Variants in GTF3C2 observed in about 807,000 individuals in gnomAD.
GTF3C2 encodes general transcription factor 3C polypeptide 2.
A neutral mutation model predicts 117.4 loss-of-function variants in GTF3C2; 17 were observed. The observed-to-expected ratio is 0.14, with a 90% confidence interval of 0.10 to 0.22. GTF3C2 has a LOEUF of 0.22. Ranked by LOEUF, GTF3C2 falls within the 10% of genes least tolerant of loss-of-function variation. The pLI is 1.00. For missense variants in GTF3C2, 888 were observed against 1,143.6 expected (o/e 0.78, Z 3.22); for synonymous variants, 437 against 427.0 (o/e 1.02, Z -0.29).
intron 9 of GTF3C2, 71 bp downstream of exon 9, chr2:27,335,846 C>T (rs934984326): frequency 1.7e-6 from 2 of 1,179,098 alleles, no homozygotes; most frequent in Non-Finnish European, 2.5e-6. Flanking sequence ...TCCTTCAACT[C>T]TAAGAATTCC....
At chr2:27,350,587 G>A (rs1681095986) in intron 1 of GTF3C2, 2 of 790,162 alleles carry the variant, frequency 2.5e-6, no homozygotes, top group Non-Finnish European at 3.1e-6. Flanking sequence ...ATCGCTTGAG[G>A]CCAGGAGTTC....
chr2:27,331,996 T>C (rs1361388734), intron 12 of GTF3C2, among the ~76,000 whole-genome samples: 1 of 152,154 alleles, frequency 6.6e-6, no homozygotes, highest in African/African-American at 2.4e-5. Flanking sequence ...TTGTAACTTA[T>C]TTATAGTCTT....
At chr2:27,333,523 T>A in intron 12 of GTF3C2, 132 bp downstream of exon 12, 1 of 623,304 alleles carries the variant, frequency 1.6e-6, no homozygotes, top group Non-Finnish European at 2.8e-6. Flanking sequence ...TTCTATTTTT[T>A]TTTTTTTACA....
intron 10 of GTF3C2, 35 bp downstream of exon 10, chr2:27,335,563 T>A: frequency 8.4e-7 from 1 of 1,197,408 alleles, no homozygotes; most frequent in Non-Finnish European, 1.2e-6. Flanking sequence ...TGACCACCAC[T>A]ACAGCAGCCC....
chr2:27,340,880 C>G (rs1680704515), intron 4 of GTF3C2: 1 of 152,034 alleles, frequency 6.6e-6, no homozygotes, highest in African/African-American at 2.4e-5. Flanking sequence ...CCCACCTTGG[C>G]CTCCCAAAGT....
chr2:27,348,894 T>C (rs1426864608), intron 1 of GTF3C2, among the ~76,000 whole-genome samples: 2 of 152,192 alleles, frequency 1.3e-5, no homozygotes, highest in African/African-American at 4.8e-5. Flanking sequence ...TGGAGTGCAG[T>C]GGCCTGATCT....
intron 8 of GTF3C2, 37 bp downstream of exon 8, chr2:27,336,161 A>C: frequency 6.5e-7 from 1 of 1,531,130 alleles, no homozygotes; most frequent in Non-Finnish European, 9.0e-7. Context: ...TGCTGTCCTC[A>C]ACCACCCTCC....
At chr2:27,338,597 C>A (rs1435069184) in intron 4 of GTF3C2, among the ~76,000 whole-genome samples, 1 of 152,186 alleles carries the variant, frequency 6.6e-6, no homozygotes, top group Non-Finnish European at 1.5e-5. Flanking sequence ...GTGGCGCAAT[C>A]TTGGCTCACT....
chr2:27,340,481 G>A (rs985021728), intron 4 of GTF3C2: 9 of 152,084 alleles, frequency 5.9e-5, no homozygotes, highest in Admixed American at 2.0e-4. Flanking sequence ...TGATCCACCT[G>A]CCTTGGCTTC....
rs543775826 is a variant in GTF3C2, at chr2:27,333,434, C to A, written c.1732+221G>T. ...CCTCTCAATAGGATGGGATTATAGG[C>A]GTGAGCTACCGCGCCTGGCCCAGCA... On this transcript the variant is annotated intron_variant, in intron 12 of 18. Coordinates refer to ENST00000264720, the Ensembl canonical transcript of GTF3C2. 2.6e-5 allele frequency among the ~76,000 whole-genome samples: 4 copies of A among 152,004 alleles called. No individual in the cohort carries two copies. The East Asian group carries it at 5.8e-4, about 22-fold the overall frequency.
intron 1 of GTF3C2, among the ~76,000 whole-genome samples, chr2:27,348,621 T>C (rs974467338): frequency 1.1e-4 from 16 of 151,194 alleles, no homozygotes; most frequent in South Asian, 4.2e-4. Flanking sequence ...CTGGCCAACA[T>C]AGCGAAACCC....
exon 4 of GTF3C2, chr2:27,342,197 G>A: frequency 6.2e-7 from 1 of 1,613,656 alleles, no homozygotes; most frequent in Non-Finnish European, 8.5e-7. Context: ...GGGCTGTTGA[G>A]AGCTCTTCAG....
At position 27,329,661 on chromosome 2, in the gene GTF3C2, T is replaced by G; in HGVS notation, c.1733-138A>C. 1.3e-6 allele frequency: 1 copy of G among 766,560 alleles called. No homozygotes were observed. Among genetic ancestry groups the G allele is most frequent in the African/African-American group, 1.7e-5 (1 of 57,518 alleles). The allele number at this position is 766,560 out of a possible 1,614,324, so 47.5% of individuals were successfully genotyped here. A position where few individuals can be genotyped will look rare whatever the true frequency, so the allele number is the denominator to read the frequency against. The stretch of plus-strand genomic sequence containing the variant: ...TATGAAAGGATGTGGGGATCCTGAT[T>G]AGCTATCCAACACTCCCTCCAGGGC... On this transcript the variant is annotated intron_variant, in intron 12 of 18. Coordinates refer to ENST00000264720, the Ensembl canonical transcript of GTF3C2. This position sits in a 1 kb window ranked among gnomAD's most constrained non-coding sequence, Gnocchi z 4.5.
chr2:27,331,985 T>C (rs2148258128), intron 12 of GTF3C2, among the ~76,000 whole-genome samples: 1 of 152,234 alleles, frequency 6.6e-6, no homozygotes, highest in Non-Finnish European at 1.5e-5. Context: ...CTTAATATTA[T>C]TTGTAACTTA....
rs764112591 is a variant in GTF3C2, at chr2:27,336,268, G to A, written c.1285C>T (p.Leu429=). ...CCAGGACCCGAATGAAGCTGGCTCA[G>A]TGGGTGTGTCTCATTCATGTCAGGG... Residue 429 remains leucine, a synonymous_variant, in exon 8 of 19, where the codon CTG becomes TTG. Coordinates refer to ENST00000264720, the Ensembl canonical transcript of GTF3C2. The A allele has an allele frequency of 5.0e-6, 8 of 1,614,168 alleles. No homozygotes were observed. The Admixed American group carries it at 1.3e-4, about 27-fold the overall frequency.
At chr2:27,349,415 G>A (rs1185693597) in intron 1 of GTF3C2, among the ~76,000 whole-genome samples, 1 of 152,026 alleles carries the variant, frequency 6.6e-6, no homozygotes, top group African/African-American at 2.4e-5. Flanking sequence ...CCAAAGTGCT[G>A]GGATTACAGG....
At chr2:27,331,404 G>GT (rs991798701) in intron 12 of GTF3C2, among the ~76,000 whole-genome samples, 14 of 152,134 alleles carry the variant, frequency 9.2e-5, no homozygotes, top group Non-Finnish European at 1.0e-4. Context: ...TTGGCTCACT[G>GT]TAACATCTGC....
At chr2:27,337,887 C>A in intron 5 of GTF3C2, 39 bp downstream of exon 5, 1 of 1,185,626 alleles carries the variant, frequency 8.4e-7, no homozygotes, top group Non-Finnish European at 1.3e-6. Flanking sequence ...TCCTCTACCA[C>A]CCCTTTATTA....
At chr2:27,337,328 T>A in exon 7 of GTF3C2, 1 of 1,611,958 alleles carries the variant, frequency 6.2e-7, no homozygotes, top group Non-Finnish European at 8.5e-7. Flanking sequence ...CTGGGGCAGG[T>A]AGGGAGCGGC....
Sources: gnomAD v4.1 joint callset for allele counts (sites outside exome capture counted in the v4.1 genomes callset) on GRCh38, gnomAD v4.1.1 for gene constraint, Gnocchi (gnomAD v3.1) non-coding constraint, MANE v1.5 for transcripts, NCBI Gene and HGNC (gene_info 2026-07-23, HGNC 2026-07-21) for gene names.